The following CDH13 variants were observed in gnomAD, a reference collection of about 807,000 sequenced individuals.
CDH13 encodes the protein cadherin-13.
A neutral mutation model predicts 63.8 loss-of-function variants in CDH13; 24 were observed. That is an observed-to-expected ratio of 0.38 (90% CI 0.27 to 0.53). The LOEUF is 0.53. Among genes scored for constraint, CDH13 ranks in the 20% least tolerant of loss-of-function variants. The pLI, the probability that CDH13 is intolerant of heterozygous loss-of-function variation, is 0.85. For synonymous variants in CDH13, 503 were observed against 355.3 expected (o/e 1.42, Z -4.67); for missense variants, 1,049 against 903.1 (o/e 1.16, Z -2.07).
chr16:83,773,801 T>G (rs1422439536), intron 11 of CDH13, among the ~76,000 whole-genome samples: 1 of 152,210 alleles, frequency 6.6e-6, no homozygotes, highest in African/African-American at 2.4e-5. Flanking sequence ...TATATGGTGA[T>G]TCTCCTGGTG....
intron 6 of CDH13, among the ~76,000 whole-genome samples, chr16:83,353,275 T>G (rs987459145): frequency 1.2e-4 from 18 of 152,220 alleles, no homozygotes; most frequent in Non-Finnish European, 2.2e-4. Context: ...TGTCTGAAGG[T>G]CCTCTGGTGA....
At chr16:83,018,517 A>T (rs1210886307) in intron 2 of CDH13, among the ~76,000 whole-genome samples, 1 of 152,216 alleles carries the variant, frequency 6.6e-6, no homozygotes, top group Non-Finnish European at 1.5e-5. Flanking sequence ...TATAGGTTCC[A>T]CTTGAAAGTA....
chr16:83,727,114 C>T (rs964168304), intron 10 of CDH13, among the ~76,000 whole-genome samples: 4 of 152,000 alleles, frequency 2.6e-5, no homozygotes, highest in African/African-American at 9.7e-5. Context: ...ACCATCACCG[C>T]CCTCGATTTT....
intron 2 of CDH13, among the ~76,000 whole-genome samples, chr16:82,877,922 T>TACACAC (rs1243626221): frequency 2.3e-5 from 1 of 42,998 alleles, no homozygotes; most frequent in Admixed American, 2.1e-4. Context: ...TACATACACA[T>TACACAC]AGACACACAC....
At chr16:82,794,234 A>G (rs1451763155) in intron 1 of CDH13, among the ~76,000 whole-genome samples, 1 of 150,262 alleles carries the variant, frequency 6.7e-6, no homozygotes, top group Non-Finnish European at 1.5e-5. Context: ...ATGTGTTGCC[A>G]AAGATCATTC....
chr16:83,062,568 T>C (rs903088838), intron 3 of CDH13, among the ~76,000 whole-genome samples: 1 of 152,152 alleles, frequency 6.6e-6, no homozygotes, highest in Non-Finnish European at 1.5e-5. Context: ...TTCTTCTCTA[T>C]GTAACAGGAA....
chr16:82,929,651 C>CAAAAAAAAAA (rs71146097), intron 2 of CDH13, among the ~76,000 whole-genome samples: 713 of 44,260 alleles, frequency 0.016, 75 homozygotes, highest in Non-Finnish European at 0.02. Context: ...GACTCCATCT[C>CAAAAAAAAAA]AAAAAAAAAA....
intron 8 of CDH13, among the ~76,000 whole-genome samples, chr16:83,605,646 T>C (rs1463352645): frequency 1.3e-5 from 2 of 152,112 alleles, no homozygotes; most frequent in East Asian, 3.9e-4. Context: ...ATGAGGACAG[T>C]GGTGATGACA....
chr16:83,298,183 T>A (rs1458597150), intron 5 of CDH13, among the ~76,000 whole-genome samples: 1 of 151,790 alleles, frequency 6.6e-6, no homozygotes, highest in Non-Finnish European at 1.5e-5. Flanking sequence ...GTCGAGGCTG[T>A]AGCGAGCAAT....
intron 1 of CDH13, among the ~76,000 whole-genome samples, chr16:82,634,017 C>T (rs527382705): frequency 2.5e-4 from 38 of 152,338 alleles, no homozygotes; most frequent in Admixed American, 2.4e-3. Context: ...ACAACAGGCA[C>T]GTTTTGACTT....
At chr16:83,792,357 C>T (rs1916329158) in intron 13 of CDH13, among the ~76,000 whole-genome samples, 1 of 151,134 alleles carries the variant, frequency 6.6e-6, no homozygotes, top group Non-Finnish European at 1.5e-5. Flanking sequence ...TGGGACGAGT[C>T]ACTTATGTTA....
intron 6 of CDH13, among the ~76,000 whole-genome samples, chr16:83,464,913 G>C (rs1021515463): frequency 1.3e-5 from 2 of 152,190 alleles, no homozygotes; most frequent in African/African-American, 4.8e-5. Context: ...AAAGTACTGA[G>C]ATTACAGGCA....
intron 1 of CDH13, among the ~76,000 whole-genome samples, chr16:82,739,629 A>G (rs1567485098): frequency 6.6e-6 from 1 of 152,230 alleles, no homozygotes; most frequent in Non-Finnish European, 1.5e-5. Flanking sequence ...AGACACGGGA[A>G]TTTGCCTTTA....
At chr16:82,757,824 T>A (rs1198573608) in intron 1 of CDH13, among the ~76,000 whole-genome samples, 1 of 152,080 alleles carries the variant, frequency 6.6e-6, no homozygotes, top group Non-Finnish European at 1.5e-5. Flanking sequence ...CTAATTTTTG[T>A]ATTTTTAGTA....
At chr16:82,863,182 A>C (rs2040007212) in intron 2 of CDH13, among the ~76,000 whole-genome samples, 1 of 152,204 alleles carries the variant, frequency 6.6e-6, no homozygotes, top group Admixed American at 6.5e-5. Flanking sequence ...TGGACCACAA[A>C]GGAGCCAGCT....
intron 4 of CDH13, among the ~76,000 whole-genome samples, chr16:83,191,991 GC>G (rs2038731829): frequency 6.6e-6 from 1 of 152,064 alleles, no homozygotes; most frequent in Non-Finnish European, 1.5e-5. Flanking sequence ...GAGAGCAAAA[GC>G]ATGTAGAATT....
chr16:83,604,293 T>A (rs1013293198), intron 8 of CDH13, among the ~76,000 whole-genome samples: 2 of 152,172 alleles, frequency 1.3e-5, no homozygotes, highest in Non-Finnish European at 2.9e-5. Context: ...GCAGGGTTCC[T>A]CTAGCTGCTA....
intron 8 of CDH13, among the ~76,000 whole-genome samples, chr16:83,661,220 C>G (rs1283715720): frequency 6.6e-6 from 1 of 152,162 alleles, no homozygotes; most frequent in African/African-American, 2.4e-5. Flanking sequence ...GACTCAGTGG[C>G]TCACACCTAT....
At chr16:82,704,407 A>T (rs1029738771) in intron 1 of CDH13, among the ~76,000 whole-genome samples, 1 of 152,136 alleles carries the variant, frequency 6.6e-6, no homozygotes, top group African/African-American at 2.4e-5. Flanking sequence ...TTTTTGGTGG[A>T]TGTTCTTCAT....
Sources: allele counts gnomAD v4.1 joint callset (sites outside exome capture counted in the v4.1 genomes callset), GRCh38; gene constraint gnomAD v4.1.1; transcripts MANE v1.5; gene names NCBI Gene and HGNC (gene_info 2026-07-23, HGNC 2026-07-21).